Variants in SLC26A9 observed in about 807,000 individuals in gnomAD.
SLC26A9 encodes the protein solute carrier family 26 member 9.
In SLC26A9, 46 loss-of-function variants were observed where a neutral mutation model predicts 87.1. The observed-to-expected ratio is 0.53, with a 90% confidence interval of 0.42 to 0.67. The LOEUF (loss-of-function observed/expected upper bound fraction) is 0.67, where lower values mean the gene tolerates loss of function less well. Among genes scored for constraint, SLC26A9 ranks in the 30% least tolerant of loss-of-function variants. SLC26A9 has a pLI of 0.00. For synonymous variants in SLC26A9, 437 were observed against 409.1 expected (o/e 1.07, Z -0.82); for missense variants, 927 against 1,018.3 (o/e 0.91, Z 1.22).
rs1457608511 is a variant in SLC26A9, at chr1:205,913,099, G to A, written c.*2258C>T. ...TTACCAAAATGAACAAAAGGAGAATGAGGCTTAAATTAAATAAATTATGCA... is the reference window on the plus strand; with the variant it reads ...TTACCAAAATGAACAAAAGGAGAATAAGGCTTAAATTAAATAAATTATGCA... On this transcript the variant is annotated 3_prime_UTR_variant, in exon 21 of 21. Transcript: ENST00000367135. 1 of 152,186 alleles carries A rather than the reference G, an allele frequency of 6.6e-6. No individual in the cohort carries two copies. The highest frequency in any genetic ancestry group is 2.4e-5 in the African/African-American group (1 of 41,428). 9.4% of individuals were successfully genotyped at this position (152,186 alleles called of 1,614,324 possible).
Position 205,914,914 on chromosome 1 carries a change from C to T in SLC26A9, c.*443G>A. 6.2e-7 allele frequency: 1 copy of T among 1,613,308 alleles called. No homozygotes were observed. Among genetic ancestry groups the T allele is most frequent in the Non-Finnish European group, 8.5e-7 (1 of 1,179,482 alleles). On this transcript the variant is annotated 3_prime_UTR_variant, in exon 21 of 21. Transcript: ENST00000367135. ...TCCCTATGTCCGTGACAGCCTGACACCATCTGACACCGAGCCGTGTGGGCT... is the reference window on the plus strand; with the variant it reads ...TCCCTATGTCCGTGACAGCCTGACATCATCTGACACCGAGCCGTGTGGGCT...
rs1658936306 is a variant in SLC26A9 at position 205,923,560 on chromosome 1, G to T, written c.1550C>A (p.Pro517His). 1 of 1,614,048 alleles carries T rather than the reference G, an allele frequency of 6.2e-7. No homozygotes were observed. Among genetic ancestry groups the T allele is most frequent in the Non-Finnish European group, 8.5e-7 (1 of 1,180,030 alleles). ...ATTACCTACCCTATTATAGGTCTTG[G>T]GATTCACATAAATGTCAGTGTCCAT... ...QVMDTDIYVN[P>H]KTYNRAQDIQ... Residue 517 changes from proline (P) to histidine (H), a missense_variant, in exon 14 of 21, where the codon CCC becomes CAC. Pro to His is a moderately conservative substitution (Grantham distance 77, BLOSUM62 -2). Coordinates refer to ENST00000367135, the MANE Select transcript of SLC26A9 (RefSeq NM_052934.4).
At chr1:205,929,631 T>C (rs1004470217) in intron 6 of SLC26A9, among the ~76,000 whole-genome samples, 6 of 152,166 alleles carry the variant, frequency 3.9e-5, no homozygotes, top group African/African-American at 1.2e-4. Context: ...GGCAGGACTT[T>C]CCAGGCAGGG....
At chr1:205,924,093 C>T (rs1033750910) in intron 13 of SLC26A9, among the ~76,000 whole-genome samples, 20 of 152,278 alleles carry the variant, frequency 1.3e-4, no homozygotes, top group Middle Eastern at 3.4e-3. Flanking sequence ...GATGTTGAAT[C>T]TCACCACCTG....
chr1:205,934,637 C>A (rs1461225777), intron 2 of SLC26A9, among the ~76,000 whole-genome samples: 1 of 152,238 alleles, frequency 6.6e-6, no homozygotes, highest in East Asian at 1.9e-4. Flanking sequence ...GTTCAAGGCT[C>A]TCATGCCAGT....
chr1:205,927,708 G>A (rs1659134635), intron 9 of SLC26A9, 103 bp from the exon 10 acceptor site: 2 of 1,379,688 alleles, frequency 1.4e-6, no homozygotes, highest in South Asian at 2.6e-5. Context: ...AGACCTGAGA[G>A]TGACCCAGTG....
intron 7 of SLC26A9, 106 bp downstream of exon 7, chr1:205,929,098 C>T (rs534751159): frequency 2.6e-6 from 4 of 1,529,876 alleles, no homozygotes; most frequent in Admixed American, 3.8e-5. Context: ...CAACTGACTT[C>T]CTGTCCCACT....
chr1:205,928,005 A>G lies in SLC26A9; in HGVS notation c.998T>C (p.Met333Thr), dbSNP rs758903681. The change falls in exon 9 of 21, where the codon ATG (methionine) becomes ACG (threonine). Residue 333 changes from methionine (M) to threonine (T), a missense_variant. Met to Thr is a moderately conservative substitution (Grantham distance 81). Coordinates refer to ENST00000367135, the MANE Select transcript of SLC26A9 (RefSeq NM_052934.4). The part of the protein sequence containing the change: ...VSPVVSQWKD[M>T]IGTAFSLAIV... ...GGCTAGGGAGAAGGCTGTGCCTATC[A>G]TGTCCTTCCACTGTGAGACCACAGG... 6.2e-7 allele frequency: 1 copy of G among 1,614,134 alleles called. No individual in the cohort carries two copies. The highest frequency in any genetic ancestry group is 1.1e-5 in the South Asian group (1 of 91,076).
chr1:205,933,218 T>C, intron 2 of SLC26A9, 134 bp from the exon 3 acceptor site: 4 of 1,344,246 alleles, frequency 3.0e-6, no homozygotes, highest in Non-Finnish European at 4.1e-6. Context: ...GCCAGGGATA[T>C]TGAGAAGAAA....
chr1:205,926,761 A>G, intron 11 of SLC26A9, 131 bp from the exon 12 acceptor site: 1 of 740,090 alleles, frequency 1.4e-6, no homozygotes. Context: ...TGATCCCCCA[A>G]ATCTCTGCAT....
Position 205,918,842 on chromosome 1 carries a change from C to T in SLC26A9, c.2254G>A (p.Gly752Arg). 11 of 1,613,044 alleles carry T rather than the reference C, an allele frequency of 6.8e-6. No individual in the cohort carries two copies. Among genetic ancestry groups the T allele is most frequent in the Non-Finnish European group, 9.3e-6 (11 of 1,179,102 alleles). Residue 752 changes from glycine (G) to arginine (R), a missense_variant and splice_region_variant, in exon 19 of 21, where the codon GGG (glycine) becomes AGG (arginine). Transcript: ENST00000367135. ...TTCCCCAGGTGCAAGAACCTTACCC[C>T]TTGGAAGTTGTGTCCTGGGGTCACG... ...RDVTPGHNFQ[G>R]APGDAELSLY...
chr1:205,922,491 G>A (rs1276964901), intron 16 of SLC26A9, among the ~76,000 whole-genome samples: 1 of 152,190 alleles, frequency 6.6e-6, no homozygotes, highest in East Asian at 1.9e-4. Context: ...ATTCACTGCT[G>A]TTCCCCCTCT....
At chr1:205,924,022 C>T (rs1658959743) in intron 13 of SLC26A9, among the ~76,000 whole-genome samples, 1 of 152,064 alleles carries the variant, frequency 6.6e-6, no homozygotes, top group South Asian at 2.1e-4. Context: ...TGTCTTCCAC[C>T]CTGGCGCTCT....
chr1:205,920,586 C>T (rs1658787468), intron 17 of SLC26A9, among the ~76,000 whole-genome samples: 1 of 152,162 alleles, frequency 6.6e-6, no homozygotes, highest in South Asian at 2.1e-4. Context: ...CTGCAACCTC[C>T]GCCTCCTGGG....
intron 9 of SLC26A9, 82 bp from the exon 10 acceptor site, chr1:205,927,687 C>A: frequency 6.9e-7 from 1 of 1,439,312 alleles, no homozygotes. Flanking sequence ...GCAAGCTGGA[C>A]TGTGGGCCTA....
rs544642134 is a variant in SLC26A9 at position 205,934,623 on chromosome 1, C to A, written c.125+1073G>T. Among the ~76,000 whole-genome samples, 4 of 152,334 alleles carry A rather than the reference C, an allele frequency of 2.6e-5. No individual in the cohort carries two copies. The East Asian group carries it at 7.7e-4, about 29-fold the overall frequency. ...ATTGGTGCACCTTCTCTATGCCAGGCACTGTTCAAGGCTCTCATGCCAGTA... is the reference window on the plus strand; with the variant it reads ...ATTGGTGCACCTTCTCTATGCCAGGAACTGTTCAAGGCTCTCATGCCAGTA... On this transcript the variant is annotated intron_variant, in intron 2 of 20. Coordinates refer to ENST00000367135, the MANE Select transcript of SLC26A9 (RefSeq NM_052934.4).
rs937869635 is a variant in SLC26A9 at position 205,936,268 on chromosome 1, A to T, written c.-18-430T>A. On this transcript the variant is annotated intron_variant, in intron 1 of 20. Coordinates refer to ENST00000367135, the MANE Select transcript of SLC26A9 (RefSeq NM_052934.4). ...TTTCCCTGGCAGAAAGGCTCCTACC[A>T]TTCAGCCAGTCAGCTTGGAAGAAAC... Among the ~76,000 whole-genome samples, 14 of 152,294 alleles carry T rather than the reference A, an allele frequency of 9.2e-5. No individual in the cohort carries two copies. The East Asian group carries it at 2.7e-3, about 29-fold the overall frequency.
chr1:205,918,130 C>T (rs1658671556), intron 19 of SLC26A9, among the ~76,000 whole-genome samples: 1 of 152,106 alleles, frequency 6.6e-6, no homozygotes, highest in Admixed American at 6.5e-5. Context: ...CCACAGAGGG[C>T]AGGGGAGGTT....
intron 1 of SLC26A9, among the ~76,000 whole-genome samples, chr1:205,943,088 G>A (rs948147323): frequency 2.6e-5 from 4 of 152,082 alleles, no homozygotes; most frequent in Non-Finnish European, 4.4e-5. Context: ...GCTCTGTTTC[G>A]GGGTCTGGCG....
Sources: allele counts gnomAD v4.1 joint callset (sites outside exome capture counted in the v4.1 genomes callset), GRCh38; gene constraint gnomAD v4.1.1; transcripts MANE v1.5; gene names NCBI Gene and HGNC (gene_info 2026-07-23, HGNC 2026-07-21).